Variants in RELN observed in about 807,000 individuals in gnomAD.
RELN encodes reelin.
RELN carries 108 observed loss-of-function variants against 427.6 expected under a neutral mutation model. The observed-to-expected ratio is 0.25, with a 90% CI of 0.22 to 0.30. The LOEUF (loss-of-function observed/expected upper bound fraction) is 0.30. Ranked by LOEUF, RELN falls within the 10% of genes least tolerant of loss-of-function variation. RELN has a pLI of 1.00. For synonymous variants in RELN, 1,524 were observed against 1,513.4 expected, an observed-to-expected ratio of 1.01 and a Z score of -0.16; for missense variants, 3,715 against 4,302.8, an observed-to-expected ratio of 0.86 and a Z score of 3.82.
intron 1 of RELN, among the ~76,000 whole-genome samples, chr7:103,950,967 C>A (rs1033926922): frequency 1.3e-5 from 2 of 152,164 alleles, no homozygotes; most frequent in African/African-American, 4.8e-5. Flanking sequence ...CTCGCTCTGT[C>A]GCCCAGGCTG....
chr7:103,966,825 T>C (rs1796670013), intron 1 of RELN, among the ~76,000 whole-genome samples: 1 of 152,218 alleles, frequency 6.6e-6, no homozygotes, highest in Non-Finnish European at 1.5e-5. Flanking sequence ...AGGAAAATTA[T>C]ACACTGAATA....
chr7:103,907,294 T>C (rs969382707), intron 2 of RELN, among the ~76,000 whole-genome samples: 1 of 146,412 alleles, frequency 6.8e-6, no homozygotes, highest in African/African-American at 2.5e-5. Context: ...TGCACACCTG[T>C]AGTCCCAGCT....
At chr7:103,778,888 G>A (rs560336468) in intron 3 of RELN, among the ~76,000 whole-genome samples, 4 of 152,164 alleles carry the variant, frequency 2.6e-5, no homozygotes, top group African/African-American at 7.2e-5. Context: ...TCAAAATTAC[G>A]GGGCTCCACA....
At chr7:103,549,160 A>G (rs1830360532) in intron 41 of RELN, among the ~76,000 whole-genome samples, 1 of 152,120 alleles carries the variant, frequency 6.6e-6, no homozygotes, top group Non-Finnish European at 1.5e-5. Context: ...AGGCTGCTGT[A>G]ACAAAATACC....
At chr7:103,634,213 G>A (rs1484306163) in intron 19 of RELN, among the ~76,000 whole-genome samples, 4 of 151,962 alleles carry the variant, frequency 2.6e-5, no homozygotes, top group Admixed American at 6.6e-5. Flanking sequence ...GCAAACTTTC[G>A]TGTCCAAATC....
At chr7:103,961,548 G>C (rs1357137443) in intron 1 of RELN, among the ~76,000 whole-genome samples, 1 of 152,206 alleles carries the variant, frequency 6.6e-6, no homozygotes, top group African/African-American at 2.4e-5. Context: ...ACAAGCTCAA[G>C]AGCAAAGCGT....
intron 2 of RELN, among the ~76,000 whole-genome samples, chr7:103,853,116 T>C (rs1362865221): frequency 6.6e-6 from 1 of 152,016 alleles, no homozygotes; most frequent in Non-Finnish European, 1.5e-5. Context: ...AATTCTGAAG[T>C]TCCCTCATAT....
intron 42 of RELN, among the ~76,000 whole-genome samples, chr7:103,543,356 G>A (rs765235327): frequency 1.3e-5 from 2 of 152,122 alleles, no homozygotes; most frequent in Non-Finnish European, 1.5e-5. Flanking sequence ...ATTAAATAAC[G>A]CCTTTAAGGC....
chr7:103,737,873 T>C (rs879411190), intron 6 of RELN, among the ~76,000 whole-genome samples: 2 of 152,112 alleles, frequency 1.3e-5, no homozygotes, highest in African/African-American at 2.4e-5. Flanking sequence ...TTGTTGTAAA[T>C]TGTGGACCTT....
chr7:103,924,203 C>T lies in RELN; in HGVS notation c.227-7018G>A, dbSNP rs550876392. On this transcript the variant is annotated intron_variant, in intron 1 of 64. Coordinates refer to ENST00000428762, the MANE Select transcript of RELN (RefSeq NM_005045.4). ...ACATGGGTATAGTCTCCTGGAGTAT[C>T]CCCAGCAGGCTGCTCTGTAGAATGT... Among the ~76,000 whole-genome samples the T allele has an allele frequency of 6.5e-4, 99 of 152,120 alleles. 1 individual carries two copies. The highest frequency in any genetic ancestry group is 2.4e-3 in the Admixed American group (37 of 15,254).
In RELN at chr7:103,515,168, C is replaced by T. The variant is rs377519588; in HGVS notation, c.8119+17G>A. 2.4e-5 allele frequency: 39 copies of T among 1,613,948 alleles called. No homozygotes were observed. Among genetic ancestry groups the T allele is most frequent in the Middle Eastern group, 3.3e-4 (2 of 6,082 alleles). ...CATTTCCACTGGGCTTTTTATTTAG[C>T]GCTGTGCATAATTTACCTGAAGTTT... On this transcript the variant is annotated intron_variant, in intron 50 of 64. Coordinates refer to ENST00000428762, the MANE Select transcript of RELN (RefSeq NM_005045.4).
intron 3 of RELN, among the ~76,000 whole-genome samples, chr7:103,807,839 A>G (rs1209433660): frequency 1.3e-5 from 2 of 151,986 alleles, no homozygotes; most frequent in Non-Finnish European, 2.9e-5. Flanking sequence ...TATGTACCAC[A>G]TTTTCTTTAT....
At chr7:103,478,340 G>A (rs1252728613) in intron 64 of RELN, 49 bp downstream of exon 64, 1 of 738,186 alleles carries the variant, frequency 1.4e-6, no homozygotes, top group East Asian at 2.5e-5. Flanking sequence ...TGGTGTCACT[G>A]ATGAAACTAT....
intron 20 of RELN, among the ~76,000 whole-genome samples, chr7:103,627,263 C>T (rs1029105768): frequency 6.6e-6 from 1 of 152,054 alleles, no homozygotes; most frequent in Admixed American, 6.6e-5. Flanking sequence ...CTTAATAAGA[C>T]AATATGCTCC....
chr7:103,744,652 C>T lies in RELN; in HGVS notation c.656+4774G>A, dbSNP rs1476631870. Among the ~76,000 whole-genome samples the T allele has an allele frequency of 2.0e-5, 3 of 152,208 alleles. No individual in the cohort carries two copies. The East Asian group carries it at 5.8e-4, about 29-fold the overall frequency. ...CTATAAACACCTCTATGCAAATAAA[C>T]TAGAAAACCTAGAAGAAATGGATAA... On this transcript the variant is annotated intron_variant, in intron 6 of 64. Transcript: ENST00000428762.
chr7:103,625,578 A>G (rs1395602297), intron 20 of RELN, among the ~76,000 whole-genome samples: 1 of 152,136 alleles, frequency 6.6e-6, no homozygotes, highest in Non-Finnish European at 1.5e-5. Context: ...CATGGTAGGT[A>G]TTTGCTATCT....
At chr7:103,770,009 C>G (rs919464202) in intron 4 of RELN, among the ~76,000 whole-genome samples, 2 of 152,244 alleles carry the variant, frequency 1.3e-5, no homozygotes, top group East Asian at 3.9e-4. Flanking sequence ...AGCATCGAAT[C>G]CAGAGCAAAG....
chr7:103,939,569 T>C (rs2116732077), intron 1 of RELN, among the ~76,000 whole-genome samples: 1 of 152,314 alleles, frequency 6.6e-6, no homozygotes, highest in Middle Eastern at 3.4e-3. Context: ...ATTCTTTGTG[T>C]ACTTTGCCAA....
chr7:103,935,978 C>T (rs1795973309), intron 1 of RELN, among the ~76,000 whole-genome samples: 1 of 152,156 alleles, frequency 6.6e-6, no homozygotes, highest in African/African-American at 2.4e-5. Flanking sequence ...CACCCTCAAC[C>T]ACACCCATTC....
Sources: allele counts gnomAD v4.1 joint callset (sites outside exome capture counted in the v4.1 genomes callset), GRCh38; gene constraint gnomAD v4.1.1; transcripts MANE v1.5; gene names NCBI Gene and HGNC (gene_info 2026-07-23, HGNC 2026-07-21).